EYS: variants seen among roughly 807,000 people sequenced by gnomAD.
The protein encoded by EYS is EGF-like photoreceptor maintenance factor.
In EYS, 250 loss-of-function variants were observed where a neutral mutation model predicts 282.1. That is an observed-to-expected ratio of 0.89 (90% CI 0.80 to 0.98). The LOEUF (loss-of-function observed/expected upper bound fraction) is 0.98. Among genes scored for constraint, EYS ranks in the 50% least tolerant of loss-of-function variants. The pLI is 0.00. For missense variants in EYS, 4,016 were observed against 3,709.0 expected, an observed-to-expected ratio of 1.08 and a Z score of -2.15; for synonymous variants, 1,355 against 1,282.9, an observed-to-expected ratio of 1.06 and a Z score of -1.20.
At chr6:65,330,122 T>C in intron 11 of EYS, 1 of 982,106 alleles carries the variant, frequency 1.0e-6, no homozygotes, top group Non-Finnish European at 1.2e-6. Flanking sequence ...ATGTGTTCAC[T>C]TTCTAAATGA....
intron 13 of EYS, among the ~76,000 whole-genome samples, chr6:65,003,338 A>C (rs1467415141): frequency 6.8e-6 from 1 of 147,130 alleles, no homozygotes; most frequent in African/African-American, 2.4e-5. Flanking sequence ...GCTTATTAGA[A>C]AGAGGAAATT....
Position 64,150,095 on chromosome 6 carries a change from G to T in EYS, c.6425-68093C>A, listed in dbSNP as rs111404828. On this transcript the variant is annotated intron_variant, in intron 31 of 42. Transcript: ENST00000503581. The stretch of plus-strand genomic sequence containing the variant: ...ATGATTCTAGGGCCTGGGATTCAAA[G>T]TGTGGTCCACAGAGCTGCAGTTTTA... Among the ~76,000 whole-genome samples, 467 of 152,314 alleles carry T rather than the reference G, an allele frequency of 3.1e-3. 2 individuals carry two copies. Among genetic ancestry groups the T allele is most frequent in the African/African-American group, 0.011 (450 of 41,566 alleles).
intron 19 of EYS, among the ~76,000 whole-genome samples, chr6:64,826,415 A>G (rs575553837): frequency 6.6e-6 from 1 of 151,716 alleles, no homozygotes; most frequent in Non-Finnish European, 1.5e-5. Context: ...AATGCAGGCA[A>G]TTCCTTTTTT....
At chr6:63,964,623 C>A (rs1394506299) in intron 35 of EYS, among the ~76,000 whole-genome samples, 1 of 152,182 alleles carries the variant, frequency 6.6e-6, no homozygotes, top group East Asian at 1.9e-4. Context: ...AGAGGATTTG[C>A]TGAAGCTGAA....
chr6:64,494,789 G>C (rs1776841666), intron 26 of EYS, among the ~76,000 whole-genome samples: 1 of 151,642 alleles, frequency 6.6e-6, no homozygotes, highest in African/African-American at 2.4e-5. Context: ...CCATTTTCCA[G>C]TCTATGAAAT....
chr6:65,583,768 G>A (rs899134534), intron 2 of EYS, among the ~76,000 whole-genome samples: 1 of 151,858 alleles, frequency 6.6e-6, no homozygotes, highest in Non-Finnish European at 1.5e-5. Flanking sequence ...GAAGTTATTT[G>A]TTTTTAAAAT....
intron 13 of EYS, among the ~76,000 whole-genome samples, chr6:65,011,864 C>T (rs533870575): frequency 5.3e-5 from 8 of 152,308 alleles, no homozygotes; most frequent in Non-Finnish European, 8.8e-5. Flanking sequence ...GGACAATGAT[C>T]GGGATATAAA....
At chr6:64,189,376 A>G (rs905278467) in intron 31 of EYS, among the ~76,000 whole-genome samples, 6 of 151,526 alleles carry the variant, frequency 4.0e-5, no homozygotes, top group Admixed American at 3.3e-4. Flanking sequence ...AAATCAAAAG[A>G]AGAATAACGT....
intron 22 of EYS, among the ~76,000 whole-genome samples, chr6:64,702,559 G>GA (rs1770829367): frequency 2.0e-5 from 3 of 152,004 alleles, no homozygotes; most frequent in African/African-American, 4.8e-5. Context: ...AAACAGATCT[G>GA]AAAAAATGTA....
chr6:65,159,520 G>GT (rs576684085), intron 12 of EYS, among the ~76,000 whole-genome samples: 2 of 147,016 alleles, frequency 1.4e-5, no homozygotes, highest in African/African-American at 2.7e-5. Context: ...GAATTTAAAT[G>GT]TTTTTTTGAG....
chr6:65,635,295 A>T (rs1426331041), intron 2 of EYS, among the ~76,000 whole-genome samples: 1 of 152,166 alleles, frequency 6.6e-6, no homozygotes, highest in Non-Finnish European at 1.5e-5. Context: ...ACACCTTAAG[A>T]GTAAGGTGCT....
chr6:64,624,003 C>T (rs991938265), intron 23 of EYS, among the ~76,000 whole-genome samples: 7 of 152,156 alleles, frequency 4.6e-5, no homozygotes, highest in East Asian at 3.9e-4. Context: ...GTGTTGGGGA[C>T]GTGTCAATAG....
intron 26 of EYS, among the ~76,000 whole-genome samples, chr6:64,448,375 G>A (rs1294314791): frequency 1.3e-5 from 2 of 152,220 alleles, no homozygotes; most frequent in Admixed American, 1.3e-4. Context: ...GAAATGGGTG[G>A]AGCCCACCAC....
At chr6:64,617,573 T>C in intron 23 of EYS, 40 bp from the exon 24 acceptor site, 1 of 1,164,034 alleles carries the variant, frequency 8.6e-7, no homozygotes, top group South Asian at 1.4e-5. Flanking sequence ...CAATTTTTAA[T>C]GATAATAAAA....
chr6:65,539,295 A>G (rs1768075317), intron 2 of EYS, among the ~76,000 whole-genome samples: 1 of 152,194 alleles, frequency 6.6e-6, no homozygotes, highest in East Asian at 1.9e-4. Flanking sequence ...TAGGAGACGA[A>G]GTTCTTCTGC....
At chr6:64,423,573 G>A (rs1774304631) in intron 28 of EYS, among the ~76,000 whole-genome samples, 1 of 152,090 alleles carries the variant, frequency 6.6e-6, no homozygotes, top group Non-Finnish European at 1.5e-5. Flanking sequence ...CAAATTCTTG[G>A]CCAAAGCAGG....
chr6:64,421,639 A>C (rs994644220), intron 28 of EYS, among the ~76,000 whole-genome samples: 2 of 152,210 alleles, frequency 1.3e-5, no homozygotes, highest in Non-Finnish European at 1.5e-5. Flanking sequence ...CCTAAATGCT[A>C]AACACAATCA....
At chr6:65,594,609 AGGT>A (rs1282044212) in intron 2 of EYS, among the ~76,000 whole-genome samples, 1 of 152,036 alleles carries the variant, frequency 6.6e-6, no homozygotes, top group African/African-American at 2.4e-5. Flanking sequence ...CCCATTCTGT[AGGT>A]TGCCTGTTCA....
chr6:64,773,504 G>A (rs1169177058), intron 22 of EYS, among the ~76,000 whole-genome samples: 2 of 151,850 alleles, frequency 1.3e-5, no homozygotes, highest in Admixed American at 6.6e-5. Flanking sequence ...TAATGGGATT[G>A]CTGGATCGAA....
Sources: gnomAD v4.1 joint callset for allele counts (sites outside exome capture counted in the v4.1 genomes callset) on GRCh38, gnomAD v4.1.1 for gene constraint, MANE v1.5 for transcripts, NCBI Gene and HGNC (gene_info 2026-07-23, HGNC 2026-07-21) for gene names.